C12orf42: variants seen among roughly 807,000 people sequenced by gnomAD.
The protein encoded by C12orf42 is chromosome 12 open reading frame 42.
C12orf42 carries 25 observed loss-of-function variants against 21.6 expected under a neutral mutation model. That is an observed-to-expected ratio of 1.16 (90% CI 0.84 to 1.62). The LOEUF (loss-of-function observed/expected upper bound fraction) is 1.62, where lower values mean the gene tolerates loss of function less well. C12orf42 is among the 40% of genes most tolerant of loss of function. C12orf42 has a pLI of 0.00. For synonymous variants in C12orf42, 174 were observed against 175.0 expected (o/e 0.99, Z 0.05); for missense variants, 483 against 459.3 (o/e 1.05, Z -0.47).
At chr12:103,051,436 G>A in the C12orf42 span, among the ~76,000 whole-genome samples, 1 of 152,200 alleles carries the variant, frequency 6.6e-6, no homozygotes, top group African/African-American at 2.4e-5. Flanking sequence ...TATCTCTGGA[G>A]AGGTAATGAC....
At chr12:103,080,928 A>AT in the C12orf42 span, 1 of 152,196 alleles carries the variant, frequency 6.6e-6, no homozygotes, top group African/African-American at 2.4e-5. Context: ...ATGACTAGTA[A>AT]TTGGTAGGGC....
intron 2 of C12orf42, chr12:103,441,582 A>T (rs1227108154): frequency 6.6e-6 from 1 of 152,238 alleles, no homozygotes; most frequent in Non-Finnish European, 1.5e-5. Flanking sequence ...TAATGGAGTC[A>T]GGTTTGAATG....
intron 4 of C12orf42, among the ~76,000 whole-genome samples, chr12:103,342,051 T>C (rs957522510): frequency 3.9e-5 from 6 of 152,132 alleles, no homozygotes; most frequent in African/African-American, 1.4e-4. Context: ...TATAAATAGA[T>C]AGATACATAA....
the C12orf42 span, among the ~76,000 whole-genome samples, chr12:103,057,390 C>T: frequency 6.6e-6 from 1 of 152,048 alleles, no homozygotes; most frequent in African/African-American, 2.4e-5. Flanking sequence ...TGTGTTGTTC[C>T]ACTCCCTGTG....
the C12orf42 span, among the ~76,000 whole-genome samples, chr12:103,538,234 G>C: frequency 6.6e-6 from 1 of 152,216 alleles, no homozygotes; most frequent in East Asian, 1.9e-4. Context: ...AAGCAGAAGA[G>C]AGATATCTAA....
chr12:103,341,929 T>C (rs886929817), intron 4 of C12orf42, among the ~76,000 whole-genome samples: 2 of 152,220 alleles, frequency 1.3e-5, no homozygotes, highest in African/African-American at 2.4e-5. Context: ...TCCATAATCA[T>C]GTGAGTCAAT....
At chr12:103,109,452 C>T in the C12orf42 span, among the ~76,000 whole-genome samples, 190 of 151,936 alleles carry the variant, frequency 1.3e-3, 1 homozygote, top group East Asian at 7.7e-4. Context: ...CGGTGGTGTA[C>T]GGGAGAAACA....
the C12orf42 span, among the ~76,000 whole-genome samples, chr12:103,183,312 T>G: frequency 6.6e-6 from 1 of 152,194 alleles, no homozygotes; most frequent in Non-Finnish European, 1.5e-5. Flanking sequence ...GATCTCTTGA[T>G]GTCATGATCC....
chr12:103,507,281 ATT>A, the C12orf42 span, among the ~76,000 whole-genome samples: 156 of 60,486 alleles, frequency 2.6e-3, 10 homozygotes, highest in African/African-American at 0.013. Context: ...TATTATATAT[ATT>A]TTTTTTTAAC....
the C12orf42 span, among the ~76,000 whole-genome samples, chr12:103,087,434 A>G: frequency 2.6e-5 from 4 of 152,214 alleles, no homozygotes; most frequent in African/African-American, 9.6e-5. Flanking sequence ...ATCCTAGCAG[A>G]GCCCGTTAAA....
intron 3 of C12orf42, 35 bp from the exon 4 acceptor site, chr12:103,369,033 A>T (rs2044912474): frequency 8.5e-7 from 1 of 1,178,410 alleles, no homozygotes; most frequent in Non-Finnish European, 1.2e-6. Context: ...ACACAAAAAA[A>T]TTAGGTCAAT....
the C12orf42 span, among the ~76,000 whole-genome samples, chr12:103,074,361 A>G: frequency 6.6e-6 from 1 of 152,168 alleles, no homozygotes; most frequent in South Asian, 2.1e-4. Flanking sequence ...TCTCTGGAAA[A>G]GCGTACCATG....
chr12:103,285,800 G>A (rs1593286091), intron 4 of C12orf42, among the ~76,000 whole-genome samples: 2 of 152,104 alleles, frequency 1.3e-5, no homozygotes, highest in African/African-American at 2.4e-5. Flanking sequence ...AATAATTGAC[G>A]CAAACATTGA....
At chr12:103,469,561 T>A (rs1953423781) in intron 2 of C12orf42, among the ~76,000 whole-genome samples, 1 of 152,238 alleles carries the variant, frequency 6.6e-6, no homozygotes, top group Non-Finnish European at 1.5e-5. Context: ...TTATAAAATG[T>A]TTCCATTATT....
At chr12:103,493,500 TGCTTGCTTGGTGTTCCCCTGCATTCTC>T (rs1955313552) in intron 1 of C12orf42, among the ~76,000 whole-genome samples, 1 of 152,056 alleles carries the variant, frequency 6.6e-6, no homozygotes, top group African/African-American at 2.4e-5. Flanking sequence ...CACGTGCCTC[TGCTTGCTTGGTGTTCCCCTGCATTCTC>T]ACTTGCTTTA....
chr12:103,244,188 T>C (rs1276761605), intron 10 of C12orf42, among the ~76,000 whole-genome samples: 8 of 152,142 alleles, frequency 5.3e-5, no homozygotes, highest in Admixed American at 3.3e-4. Flanking sequence ...ATGAACTTTC[T>C]AGTCCCATAA....
the C12orf42 span, among the ~76,000 whole-genome samples, chr12:103,105,024 A>G: frequency 6.6e-6 from 1 of 152,200 alleles, no homozygotes; most frequent in Non-Finnish European, 1.5e-5. Flanking sequence ...GCACATTTCC[A>G]CACTGCACTG....
chr12:103,205,854 C>T, the C12orf42 span, among the ~76,000 whole-genome samples: 1 of 152,108 alleles, frequency 6.6e-6, no homozygotes, highest in Non-Finnish European at 1.5e-5. Context: ...TTGAGTAAAA[C>T]AAACCAGATG....
the C12orf42 span, among the ~76,000 whole-genome samples, chr12:103,129,343 G>A: frequency 6.6e-6 from 1 of 152,164 alleles, no homozygotes; most frequent in African/African-American, 2.4e-5. Context: ...GGAATGAAGT[G>A]ACGTCAGGGC....
Sources: gnomAD v4.1 joint callset for allele counts (sites outside exome capture counted in the v4.1 genomes callset) on GRCh38, gnomAD v4.1.1 for gene constraint, MANE v1.5 for transcripts, NCBI Gene and HGNC (gene_info 2026-07-23, HGNC 2026-07-21) for gene names.